The following RERE variants were observed in gnomAD, a reference collection of about 807,000 sequenced individuals.
RERE encodes the protein arginine-glutamic acid dipeptide repeats.
Under a neutral mutation model 146.1 loss-of-function variants are expected in RERE, and 40 were observed. That is an observed-to-expected ratio of 0.27 (90% CI 0.21 to 0.36). RERE has a LOEUF of 0.36. RERE is among the 10% of genes least tolerant of loss of function. The pLI is 1.00. For synonymous variants in RERE, 1,003 were observed against 866.0 expected, an observed-to-expected ratio of 1.16 and a Z score of -2.78; for missense variants, 1,933 against 2,138.7, an observed-to-expected ratio of 0.90 and a Z score of 1.90.
intron 1 of RERE, among the ~76,000 whole-genome samples, chr1:8,775,302 T>C (rs967075015): frequency 2.9e-4 from 44 of 152,318 alleles, no homozygotes; most frequent in African/African-American, 1.0e-3. Context: ...CCGGGAACAG[T>C]GGCTCACACC....
chr1:8,436,229 G>T (rs1180560393), intron 11 of RERE, among the ~76,000 whole-genome samples: 1 of 152,234 alleles, frequency 6.6e-6, no homozygotes, highest in Non-Finnish European at 1.5e-5. Flanking sequence ...TGAGGCAGGA[G>T]AATTGCTTGA....
At chr1:8,466,083 A>G (rs1644593001) in intron 10 of RERE, 60 bp from the exon 11 acceptor site, 1 of 1,344,966 alleles carries the variant, frequency 7.4e-7, no homozygotes, top group African/African-American at 1.4e-5. Context: ...GACACAATCG[A>G]TCCAAGGCAA....
At chr1:8,478,356 A>T (rs1462211571) in intron 10 of RERE, among the ~76,000 whole-genome samples, 2 of 152,204 alleles carry the variant, frequency 1.3e-5, no homozygotes, top group Non-Finnish European at 2.9e-5. Flanking sequence ...AAATGGAAGA[A>T]AAAAAGTAAA....
At chr1:8,480,586 C>G (rs187965370) in intron 10 of RERE, among the ~76,000 whole-genome samples, 195 of 151,914 alleles carry the variant, frequency 1.3e-3, no homozygotes, top group Middle Eastern at 3.4e-3. Flanking sequence ...CAGGCATGCA[C>G]CACCATACTT....
At position 8,355,050 on chromosome 1, in the gene RERE, CTG is replaced by C. The variant is rs756556569; in HGVS notation, c.*35_*36del. 61 of 1,587,674 alleles carry C rather than the reference CTG, an allele frequency of 3.8e-5. No individual in the cohort carries two copies. Among genetic ancestry groups the C allele is most frequent in the Non-Finnish European group, 5.0e-5 (58 of 1,157,268 alleles). On this transcript the variant is annotated 3_prime_UTR_variant, in exon 23 of 23. Coordinates refer to ENST00000400908, the MANE Select transcript of RERE (RefSeq NM_001042681.2). The stretch of plus-strand genomic sequence containing the variant: ...AAAGTCCTGTTTCTCCCCCCAAGAA[CTG>C]GGGTTTCCACAGCCAGCGTTAACAA...
chr1:8,507,959 G>A (rs778453145), intron 8 of RERE, among the ~76,000 whole-genome samples: 5 of 152,004 alleles, frequency 3.3e-5, no homozygotes, highest in Non-Finnish European at 5.9e-5. Flanking sequence ...GGCTGGTCTC[G>A]AACTCCTGAC....
At chr1:8,723,680 T>G (rs534270006) in intron 1 of RERE, among the ~76,000 whole-genome samples, 1 of 152,228 alleles carries the variant, frequency 6.6e-6, no homozygotes, top group East Asian at 1.9e-4. Flanking sequence ...CTGTGAAATA[T>G]ATACTGTCCA....
At chr1:8,538,454 T>C (rs1403375756) in intron 7 of RERE, among the ~76,000 whole-genome samples, 3 of 152,212 alleles carry the variant, frequency 2.0e-5, no homozygotes, top group Non-Finnish European at 4.4e-5. Flanking sequence ...CCAGTTTTTC[T>C]ACACTCTGTT....
intron 1 of RERE, among the ~76,000 whole-genome samples, chr1:8,657,580 C>T (rs1396213486): frequency 1.3e-5 from 2 of 152,198 alleles, no homozygotes; most frequent in Non-Finnish European, 1.5e-5. Flanking sequence ...GGCGTGGTGG[C>T]TCACACCTGT....
chr1:8,711,534 T>C (rs368162544), intron 1 of RERE, among the ~76,000 whole-genome samples: 1 of 152,190 alleles, frequency 6.6e-6, no homozygotes, highest in East Asian at 1.9e-4. Context: ...TAAATTCCAA[T>C]AGAGCGATAC....
At chr1:8,573,757 C>T (rs114819085) in intron 4 of RERE, among the ~76,000 whole-genome samples, 2,299 of 152,216 alleles carry the variant, frequency 0.015, 55 homozygotes, top group African/African-American at 0.052. Context: ...ATATTAAAGG[C>T]TAAAAAAGTT....
intron 7 of RERE, among the ~76,000 whole-genome samples, chr1:8,520,428 T>C (rs1463474377): frequency 6.6e-6 from 1 of 152,136 alleles, no homozygotes; most frequent in Non-Finnish European, 1.5e-5. Flanking sequence ...AGAATTTCCA[T>C]GCTGGTAAGA....
At chr1:8,525,953 C>T in intron 7 of RERE, 3 of 1,346,674 alleles carry the variant, frequency 2.2e-6, no homozygotes, top group Non-Finnish European at 2.9e-6. Flanking sequence ...ACGCAGAACG[C>T]AGAAACTTCC....
intron 2 of RERE, among the ~76,000 whole-genome samples, chr1:8,646,773 A>G (rs2124304240): frequency 6.6e-6 from 1 of 152,342 alleles, no homozygotes. Flanking sequence ...CAAAGCAGCA[A>G]ACTACTGTAA....
chr1:8,360,123 G>A lies in RERE; in HGVS notation c.3384C>T (p.Ser1128=), dbSNP rs1337744618. ...CCTAGGAAGCGTACCTAGCTGACTG[G>A]CTGGCGTGACTGGGGGTGTCCACCA... ...PTVVDTPSHA[S]QSARFYKHLD... Residue 1128 remains serine (S), a synonymous_variant, in exon 18 of 23, where the codon AGC becomes AGT. Coordinates refer to ENST00000400908, the MANE Select transcript of RERE (RefSeq NM_001042681.2). 5.1e-6 allele frequency: 8 copies of A among 1,581,372 alleles called. No individual in the cohort carries two copies. Among genetic ancestry groups the A allele is most frequent in the African/African-American group, 2.7e-5 (2 of 74,340 alleles).
chr1:8,465,782 C>G, intron 11 of RERE, 143 bp downstream of exon 11: 1 of 714,338 alleles, frequency 1.4e-6, no homozygotes, highest in Non-Finnish European at 2.5e-6. Context: ...CTGAAGGGCC[C>G]CATCCTCCTG....
At chr1:8,712,229 G>C (rs893690135) in intron 1 of RERE, among the ~76,000 whole-genome samples, 2 of 152,244 alleles carry the variant, frequency 1.3e-5, no homozygotes, top group African/African-American at 4.8e-5. Context: ...GAAGGGATTA[G>C]AAGTGAGTGA....
At chr1:8,408,207 T>TA (rs1643507924) in intron 12 of RERE, among the ~76,000 whole-genome samples, 1 of 150,364 alleles carries the variant, frequency 6.7e-6, no homozygotes, top group African/African-American at 2.4e-5. Context: ...CCTCAGCCAT[T>TA]AAAAAAAGGG....
intron 1 of RERE, among the ~76,000 whole-genome samples, chr1:8,672,830 C>T (rs1442540251): frequency 6.6e-6 from 1 of 152,138 alleles, no homozygotes; most frequent in Admixed American, 6.5e-5. Flanking sequence ...CAAGAATATG[C>T]CAGCATCCTT....
Sources: allele counts gnomAD v4.1 joint callset (sites outside exome capture counted in the v4.1 genomes callset), GRCh38; gene constraint gnomAD v4.1.1; transcripts MANE v1.5; gene names NCBI Gene and HGNC (gene_info 2026-07-23, HGNC 2026-07-21).